VTI1A: variants seen among roughly 807,000 people sequenced by gnomAD.
VTI1A encodes vesicle transport through interaction with t-SNAREs homolog 1A.
In VTI1A, 22 loss-of-function variants were observed where a neutral mutation model predicts 34.9. That is an observed-to-expected ratio of 0.63 (90% CI 0.45 to 0.90). The LOEUF (loss-of-function observed/expected upper bound fraction) is 0.90. Ranked by LOEUF, VTI1A falls within the 40% of genes least tolerant of loss-of-function variation. VTI1A has a pLI of 0.00. For synonymous variants in VTI1A, 87 were observed against 97.3 expected (o/e 0.89, Z 0.62); for missense variants, 268 against 275.6 (o/e 0.97, Z 0.20).
intron 5 of VTI1A, among the ~76,000 whole-genome samples, chr10:112,642,608 A>AGTGT (rs75201126): frequency 3.8e-4 from 57 of 150,268 alleles, no homozygotes; most frequent in Admixed American, 9.3e-4. Flanking sequence ...TATACAGGGT[A>AGTGT]GTGTGTGTGT....
intron 5 of VTI1A, among the ~76,000 whole-genome samples, chr10:112,566,593 T>C (rs1405146793): frequency 6.6e-6 from 1 of 152,200 alleles, no homozygotes; most frequent in Non-Finnish European, 1.5e-5. Context: ...GAGTGATTTA[T>C]TGGGAAAAGT....
intron 7 of VTI1A, among the ~76,000 whole-genome samples, chr10:112,702,510 C>T (rs901055688): frequency 6.6e-6 from 1 of 151,668 alleles, no homozygotes; most frequent in Admixed American, 6.6e-5. Flanking sequence ...ACCTCCACCT[C>T]CCAAGTTCAA....
At chr10:112,492,961 G>C (rs186143433) in intron 3 of VTI1A, among the ~76,000 whole-genome samples, 1 of 151,988 alleles carries the variant, frequency 6.6e-6, no homozygotes, top group Non-Finnish European at 1.5e-5. Flanking sequence ...GTCCTCATTC[G>C]TACTCCCATT....
intron 5 of VTI1A, among the ~76,000 whole-genome samples, chr10:112,539,625 G>A (rs1850786770): frequency 6.6e-6 from 1 of 152,124 alleles, no homozygotes; most frequent in African/African-American, 2.4e-5. Context: ...AAAGAGCCTT[G>A]AACATGAAGT....
chr10:112,647,503 T>C (rs1846842001), intron 5 of VTI1A, among the ~76,000 whole-genome samples: 1 of 152,198 alleles, frequency 6.6e-6, no homozygotes, highest in African/African-American at 2.4e-5. Flanking sequence ...ATGGAAAATT[T>C]TGGCAAATAG....
chr10:112,523,524 A>G (rs1425221664), intron 3 of VTI1A, among the ~76,000 whole-genome samples: 1 of 152,124 alleles, frequency 6.6e-6, no homozygotes, highest in Non-Finnish European at 1.5e-5. Context: ...AACTTTACAC[A>G]AACACACAAT....
chr10:112,634,856 A>G (rs926003298), intron 5 of VTI1A, among the ~76,000 whole-genome samples: 12 of 152,206 alleles, frequency 7.9e-5, no homozygotes, highest in African/African-American at 2.2e-4. Context: ...TAAGTTTGCC[A>G]TCAATTTACA....
rs139716808 is a variant in VTI1A, at chr10:112,729,172, T to C, written c.560+60174T>C. 6.9e-3 allele frequency among the ~76,000 whole-genome samples: 1,049 copies of C among 152,302 alleles called. 11 individuals carry two copies. The highest frequency in any genetic ancestry group is 0.024 in the African/African-American group (1,015 of 41,566). On this transcript the variant is annotated intron_variant, in intron 7 of 7. Transcript: ENST00000393077. ...TGGAAATTGGCCACAGCACTGTCAC[T>C]GAAAGGTAATAATTAATGAAAAAGG...
At chr10:112,790,607 C>T (rs1308887010) in intron 7 of VTI1A, among the ~76,000 whole-genome samples, 1 of 152,198 alleles carries the variant, frequency 6.6e-6, no homozygotes, top group Non-Finnish European at 1.5e-5. Context: ...AAGTCAGCCT[C>T]TTCTGGCAGC....
the VTI1A span, among the ~76,000 whole-genome samples, chr10:112,830,533 T>C: frequency 6.6e-6 from 1 of 151,434 alleles, no homozygotes; most frequent in Non-Finnish European, 1.5e-5. Context: ...TTGCTCATCC[T>C]ACGTTTTTCC....
At chr10:112,461,234 A>C (rs546677305) in intron 2 of VTI1A, among the ~76,000 whole-genome samples, 2 of 152,342 alleles carry the variant, frequency 1.3e-5, no homozygotes, top group East Asian at 3.9e-4. Context: ...AGAGCCTAGA[A>C]AATGTGCCAC....
At chr10:112,578,642 T>C (rs1372868791) in intron 5 of VTI1A, among the ~76,000 whole-genome samples, 5 of 152,218 alleles carry the variant, frequency 3.3e-5, no homozygotes, top group Non-Finnish European at 7.3e-5. Context: ...AAGCTTTTTG[T>C]CATATTTGCA....
At chr10:112,724,766 CCCCCAT>C (rs1369829401) in intron 7 of VTI1A, among the ~76,000 whole-genome samples, 1 of 148,016 alleles carries the variant, frequency 6.8e-6, no homozygotes, top group Non-Finnish European at 1.5e-5. Context: ...AGATTTCCTT[CCCCCAT>C]CCCCCCTTTT....
At chr10:112,502,905 C>G (rs1849292834) in intron 3 of VTI1A, among the ~76,000 whole-genome samples, 1 of 152,138 alleles carries the variant, frequency 6.6e-6, no homozygotes, top group Non-Finnish European at 1.5e-5. Context: ...TAGTATCCTT[C>G]AAGTAACTGA....
At chr10:112,813,599 CAG>C (rs1056630855) in intron 7 of VTI1A, among the ~76,000 whole-genome samples, 1 of 152,162 alleles carries the variant, frequency 6.6e-6, no homozygotes, top group African/African-American at 2.4e-5. Flanking sequence ...GGGTTTTAAA[CAG>C]AGCCACCAAG....
intron 7 of VTI1A, among the ~76,000 whole-genome samples, chr10:112,686,406 A>C (rs1261612034): frequency 6.6e-6 from 1 of 152,114 alleles, no homozygotes; most frequent in Non-Finnish European, 1.5e-5. Context: ...CACCATTGTA[A>C]ACTGGAAGCT....
At chr10:112,479,146 A>G (rs1159842954) in intron 3 of VTI1A, among the ~76,000 whole-genome samples, 7 of 152,204 alleles carry the variant, frequency 4.6e-5, no homozygotes, top group Non-Finnish European at 5.9e-5. Context: ...CAGCCTGGCA[A>G]CAGAGCAAGA....
chr10:112,447,213 A>T, upstream of VTI1A: 1 of 652,492 alleles, frequency 1.5e-6, no homozygotes, highest in Non-Finnish European at 2.5e-6. Flanking sequence ...CGAGATTGCG[A>T]CGAACAACCA....
intron 4 of VTI1A, among the ~76,000 whole-genome samples, chr10:112,534,311 A>G (rs1283128829): frequency 6.6e-6 from 1 of 152,080 alleles, no homozygotes; most frequent in Non-Finnish European, 1.5e-5. Context: ...AACATATCAA[A>G]CATGCTTTGG....
Sources: allele counts gnomAD v4.1 joint callset (sites outside exome capture counted in the v4.1 genomes callset), GRCh38; gene constraint gnomAD v4.1.1; transcripts MANE v1.5; gene names NCBI Gene and HGNC (gene_info 2026-07-23, HGNC 2026-07-21).